The following DOCK8 variants were observed in gnomAD, a reference collection of about 807,000 sequenced individuals.
The protein encoded by DOCK8 is dedicator of cytokinesis 8.
In DOCK8, 141 loss-of-function variants were observed where a neutral mutation model predicts 245.6. The observed-to-expected ratio is 0.57, with a 90% confidence interval of 0.50 to 0.66. The LOEUF (loss-of-function observed/expected upper bound fraction) is 0.66. Ranked by LOEUF, DOCK8 falls within the 30% of genes least tolerant of loss-of-function variation. The pLI, the probability that DOCK8 is intolerant of heterozygous loss-of-function variation, is 0.00. For missense variants in DOCK8, 2,965 were observed against 2,603.4 expected (o/e 1.14, Z -3.02); for synonymous variants, 1,168 against 970.2 (o/e 1.20, Z -3.79).
At chr9:371,965 C>T (rs941298736) in intron 17 of DOCK8, among the ~76,000 whole-genome samples, 4 of 152,016 alleles carry the variant, frequency 2.6e-5, no homozygotes, top group Non-Finnish European at 4.4e-5. Flanking sequence ...GAGAAAAATG[C>T]TACTGCTTTA....
intron 4 of DOCK8, among the ~76,000 whole-genome samples, 163 bp downstream of exon 4, chr9:289,744 A>G (rs960352551): frequency 6.6e-6 from 1 of 152,166 alleles, no homozygotes; most frequent in African/African-American, 2.4e-5. Context: ...TATCACACAC[A>G]CAGTTCCCCC....
chr9:300,097 T>C (rs1401117105), intron 4 of DOCK8, among the ~76,000 whole-genome samples: 2 of 152,184 alleles, frequency 1.3e-5, no homozygotes, highest in African/African-American at 4.8e-5. Flanking sequence ...ATCTCTTTTC[T>C]AGGCTAATTC....
chr9:354,287 A>G (rs891480861), intron 14 of DOCK8, among the ~76,000 whole-genome samples: 2 of 152,170 alleles, frequency 1.3e-5, no homozygotes, highest in Non-Finnish European at 2.9e-5. Context: ...GGCCGAGATC[A>G]CAGCATTCCA....
intron 1 of DOCK8, among the ~76,000 whole-genome samples, chr9:232,744 C>G (rs1037310342): frequency 2.6e-5 from 4 of 152,042 alleles, no homozygotes; most frequent in Non-Finnish European, 5.9e-5. Flanking sequence ...GTGGTGATAT[C>G]CCCTTTATCA....
rs146078663 is a variant in DOCK8 at position 434,404 on chromosome 9, A to G, written c.4887-379A>G. 1.6e-3 allele frequency among the ~76,000 whole-genome samples: 249 copies of G among 152,296 alleles called. 2 individuals carry two copies. Among genetic ancestry groups the G allele is most frequent in the Admixed American group, 3.1e-3 (47 of 15,296 alleles). On this transcript the variant is annotated intron_variant, in intron 38 of 47. Transcript: ENST00000432829. ...CTTGTTCAGGAGAAATTACTTACAG[A>G]GGCAAAATTGTTCTGATGCAACATC... is the stretch of plus-strand genomic sequence containing the variant.
At chr9:325,542 A>G in intron 7 of DOCK8, 129 bp from the exon 8 acceptor site, 1 of 792,548 alleles carries the variant, frequency 1.3e-6, no homozygotes, top group Non-Finnish European at 2.2e-6. Context: ...ATTCTCATAT[A>G]CTTGGAGTTT....
chr9:290,993 C>G (rs1051770000), intron 4 of DOCK8, among the ~76,000 whole-genome samples: 3 of 152,170 alleles, frequency 2.0e-5, no homozygotes, highest in Non-Finnish European at 4.4e-5. Context: ...AATCCATCAT[C>G]TGTTCTAAAA....
intron 18 of DOCK8, among the ~76,000 whole-genome samples, 200 bp downstream of exon 18, chr9:372,486 C>T (rs566159450): frequency 5.9e-5 from 9 of 152,292 alleles, no homozygotes; most frequent in South Asian, 2.1e-4. Flanking sequence ...GTTCAGTAGA[C>T]GCAACCTACA....
chr9:230,700 T>C (rs2047094823), intron 1 of DOCK8, among the ~76,000 whole-genome samples: 1 of 151,444 alleles, frequency 6.6e-6, no homozygotes, highest in Non-Finnish European at 1.5e-5. Context: ...AAATGTCTTC[T>C]TTTGAGAAGT....
intron 14 of DOCK8, among the ~76,000 whole-genome samples, chr9:363,930 T>TTACAC (rs1281959960): frequency 6.6e-6 from 1 of 152,138 alleles, no homozygotes; most frequent in Non-Finnish European, 1.5e-5. Context: ...CTGTTATGAT[T>TTACAC]TACACAGTCC....
At chr9:449,000 G>GA (rs2057349572) in intron 44 of DOCK8, among the ~76,000 whole-genome samples, 1 of 152,214 alleles carries the variant, frequency 6.6e-6, no homozygotes, top group East Asian at 1.9e-4. Context: ...CCTGTGTTAT[G>GA]ATGGGGGAGA....
Position 409,619 on chromosome 9 carries a change from A to G in DOCK8, c.3530+2550A>G, listed in dbSNP as rs1457241769. The stretch of plus-strand genomic sequence containing the variant: ...TATCATACTTTAAGTTCTAGGGTAC[A>G]TGTATACAACATGCAGGTTTGTTAC... On this transcript the variant is annotated intron_variant, in intron 28 of 47. Transcript: ENST00000432829. 3.9e-5 allele frequency among the ~76,000 whole-genome samples: 6 copies of G among 152,070 alleles called. No individual in the cohort carries two copies. The East Asian group carries it at 1.2e-3, about 29-fold the overall frequency.
intron 1 of DOCK8, among the ~76,000 whole-genome samples, chr9:260,072 C>T (rs2047880745): frequency 6.6e-6 from 1 of 152,180 alleles, no homozygotes; most frequent in Non-Finnish European, 1.5e-5. Flanking sequence ...GGGCAAGAAA[C>T]CATGGGTGGG....
Position 399,208 on chromosome 9 carries a change from C to T in DOCK8, c.3183C>T (p.Ser1061=), listed in dbSNP as rs753291459. Residue 1061 remains serine, a synonymous_variant, in exon 26 of 48, where the codon TCC becomes TCT. Transcript: ENST00000432829. ...CTTTCTTCTTGTATGACCTTCTCTC[C>T]CTCATGGATCGGGGCTTTGTGTTTA... is the stretch of plus-strand genomic sequence containing the variant. ...SLAFFLYDLL[S]LMDRGFVFNL... is the part of the protein sequence containing the mutation. 6.2e-7 allele frequency: 1 copy of T among 1,613,994 alleles called. No homozygotes were observed. Among genetic ancestry groups the T allele is most frequent in the East Asian group, 2.2e-5 (1 of 44,888 alleles).
rs572642220 is a variant in DOCK8, at chr9:217,987, A to T, written c.53+2958A>T. Among the ~76,000 whole-genome samples the T allele has an allele frequency of 5.9e-5, 9 of 152,338 alleles. No homozygotes were observed. In the East Asian group the frequency reaches 1.7e-3, roughly 29 times the overall value. ...TTCCTTTAAAGCAAGAGGGGAATTA[A>T]TTTTTAAAAAATCATCATTTTGGTA... On this transcript the variant is annotated intron_variant, in intron 1 of 47. Coordinates refer to ENST00000432829, the MANE Select transcript of DOCK8 (RefSeq NM_203447.4).
intron 1 of DOCK8, among the ~76,000 whole-genome samples, chr9:256,946 G>C (rs1193708492): frequency 6.6e-6 from 1 of 152,198 alleles, no homozygotes; most frequent in Non-Finnish European, 1.5e-5. Context: ...TCTCAACTAA[G>C]AGATTCTCGT....
At chr9:306,861 C>G (rs2049856056) in intron 5 of DOCK8, among the ~76,000 whole-genome samples, 1 of 152,142 alleles carries the variant, frequency 6.6e-6, no homozygotes. Flanking sequence ...AGCCTGAGAG[C>G]AAGGACTGAA....
chr9:292,934 T>C (rs1222803979), intron 4 of DOCK8, among the ~76,000 whole-genome samples: 1 of 152,200 alleles, frequency 6.6e-6, no homozygotes. Context: ...CATTTGTTTT[T>C]ATCTTTTCTA....
Position 340,219 on chromosome 9 carries a change from A to G in DOCK8, c.1577A>G (p.Glu526Gly). ...PEIINCCLTPEMLPVKPFPEN... is the reference protein window; with the variant it reads ...PEIINCCLTPGMLPVKPFPEN... ...ATCATCAATTGCTGTCTGACTCCTGAAATGCTGCCCGTGAAACCCTTTCCT... is the reference window on the plus strand; with the variant it reads ...ATCATCAATTGCTGTCTGACTCCTGGAATGCTGCCCGTGAAACCCTTTCCT... Residue 526 changes from glutamate to glycine, a missense_variant, in exon 14 of 48, where the codon GAA becomes GGA. Physicochemically the swap from Glu to Gly is moderately conservative, Grantham distance 98. Transcript: ENST00000432829. The G allele has an allele frequency of 6.2e-7, 1 of 1,614,144 alleles. No individual in the cohort carries two copies. Among genetic ancestry groups the G allele is most frequent in the African/African-American group, 1.3e-5 (1 of 75,026 alleles).
Sources: allele counts gnomAD v4.1 joint callset (sites outside exome capture counted in the v4.1 genomes callset), GRCh38; gene constraint gnomAD v4.1.1; transcripts MANE v1.5; gene names NCBI Gene and HGNC (gene_info 2026-07-23, HGNC 2026-07-21).